Variants in NLRP5 observed in about 807,000 individuals in gnomAD.
NLRP5 encodes the protein NACHT, LRR and PYD domains-containing protein 5.
NLRP5 carries 93 observed loss-of-function variants against 113.1 expected under a neutral mutation model. The ratio of observed to expected loss-of-function variants is 0.82; its 90% CI spans 0.70 to 0.98. The LOEUF (loss-of-function observed/expected upper bound fraction) is 0.98. Among genes scored for constraint, NLRP5 ranks in the 50% least tolerant of loss-of-function variants. The pLI is 0.00. For missense variants in NLRP5, 1,808 were observed against 1,514.3 expected (o/e 1.19, Z -3.22); for synonymous variants, 751 against 600.7 (o/e 1.25, Z -3.66).
Position 56,058,814 on chromosome 19 carries a change from A to T in NLRP5, c.3470+404A>T, listed in dbSNP as rs200348066. On this transcript the variant is annotated intron_variant, in intron 14 of 14. Coordinates refer to ENST00000390649, the MANE Select transcript of NLRP5 (RefSeq NM_153447.4). Reference sequence around the variant, plus strand: ...ATGCACAATAATAGCCAAGAGGTGGAAGTAACCCAGGCGCTCGTGGATGAA... The same window carrying T: ...ATGCACAATAATAGCCAAGAGGTGGTAGTAACCCAGGCGCTCGTGGATGAA... 3.9e-5 allele frequency among the ~76,000 whole-genome samples: 6 copies of T among 152,342 alleles called. No homozygotes were observed. The East Asian group carries it at 1.2e-3, about 29-fold the overall frequency.
At position 56,003,969 on chromosome 19, in the gene NLRP5, G is replaced by A. The variant is rs780263166; in HGVS notation, c.316G>A (p.Val106Met). ...ACAGTTTGAAATCGAGAATGCCAAC[G>A]TGGAATGTCTGGCACTCCTCTTGCA... Residue 106 changes from valine (V) to methionine (M), a missense_variant, in exon 2 of 15, where the codon GTG (valine) becomes ATG (methionine). By Grantham distance (21) the Val-to-Met change is conservative. Transcript: ENST00000390649. The A allele has an allele frequency of 9.3e-6, 15 of 1,613,866 alleles. No homozygotes were observed. Among genetic ancestry groups the A allele is most frequent in the Middle Eastern group, 1.6e-4 (1 of 6,084 alleles).
chr19:56,058,776 T>A (rs1284388687), intron 14 of NLRP5, among the ~76,000 whole-genome samples: 1 of 152,216 alleles, frequency 6.6e-6, no homozygotes, highest in Non-Finnish European at 1.5e-5. Context: ...ACACCCATGT[T>A]CATAGTGGCA....
chr19:56,005,484 C>G lies in NLRP5; in HGVS notation c.442+1389C>G, dbSNP rs903458453. Reference sequence around the variant, plus strand: ...ACACACACACATATTTATACACACACACACGCAGGTGGCATGCCTGTACAC... The same window carrying G: ...ACACACACACATATTTATACACACAGACACGCAGGTGGCATGCCTGTACAC... On this transcript the variant is annotated intron_variant, in intron 2 of 14. Transcript: ENST00000390649. Among the ~76,000 whole-genome samples the G allele has an allele frequency of 5.3e-5, 8 of 150,334 alleles. No homozygotes were observed. In the Admixed American group the frequency reaches 5.3e-4, roughly 10 times the overall value.
At chr19:56,053,005 G>A (rs1983987964) in intron 12 of NLRP5, among the ~76,000 whole-genome samples, 1 of 152,206 alleles carries the variant, frequency 6.6e-6, no homozygotes, top group Non-Finnish European at 1.5e-5. Flanking sequence ...GCTGAGGCAG[G>A]AGAATTGCTT....
At chr19:56,060,817 G>C (rs1984325598) in intron 14 of NLRP5, among the ~76,000 whole-genome samples, 1 of 152,062 alleles carries the variant, frequency 6.6e-6, no homozygotes, top group African/African-American at 2.4e-5. Flanking sequence ...GGCCAATACT[G>C]TGACACTGGA....
At chr19:56,013,600 T>TTTTTTG (rs1555765394) in intron 3 of NLRP5, among the ~76,000 whole-genome samples, 3 of 130,774 alleles carry the variant, frequency 2.3e-5, no homozygotes, top group Admixed American at 1.7e-4. Flanking sequence ...ATTTGGGTTT[T>TTTTTTG]TTTTTTTTTT....
In NLRP5 at chr19:56,008,814, A is replaced by T. The variant is rs1355749679; in HGVS notation, c.469A>T (p.Thr157Ser). 1.2e-6 allele frequency: 2 copies of T among 1,612,138 alleles called. No individual in the cohort carries two copies. Among genetic ancestry groups the T allele is most frequent in the African/African-American group, 2.7e-5 (2 of 74,910 alleles). ...ACATTCACCAGAAGATCCTGAAGCA[A>T]CGATGACTGACCAAGGACCAAGCAA... Residue 157 changes from threonine (T) to serine (S), a missense_variant, in exon 3 of 15, where the codon ACG becomes TCG. By Grantham distance (58) the Thr-to-Ser change is moderately conservative. Coordinates refer to ENST00000390649, the MANE Select transcript of NLRP5 (RefSeq NM_153447.4).
chr19:55,999,497 T>C (rs762077155), upstream of NLRP5, among the ~76,000 whole-genome samples: 34 of 152,096 alleles, frequency 2.2e-4, no homozygotes, highest in Non-Finnish European at 3.8e-4. Flanking sequence ...TGAGCGCTTG[T>C]GTACCGTGAC....
At chr19:55,989,616 C>T in the NLRP5 span, among the ~76,000 whole-genome samples, 1 of 152,186 alleles carries the variant, frequency 6.6e-6, no homozygotes, top group Non-Finnish European at 1.5e-5. Flanking sequence ...GTGTCCTTCC[C>T]TGCCCCCGTA....
chr19:56,009,749 C>T (rs541157129), intron 3 of NLRP5, among the ~76,000 whole-genome samples: 200 of 152,236 alleles, frequency 1.3e-3, no homozygotes, highest in African/African-American at 3.9e-3. Flanking sequence ...TGCTCAGCTC[C>T]CAGCAGCCAG....
rs1599913467 is a variant in NLRP5, at chr19:56,055,300, T to A, written c.3299+1492T>A. Among the ~76,000 whole-genome samples, 4 of 151,684 alleles carry A rather than the reference T, an allele frequency of 2.6e-5. 1 individual carries two copies. The highest frequency in any genetic ancestry group is 2.6e-4 in the Admixed American group (4 of 15,230). ...AGCCACCGCGCCTGGCCGGGACCCT[T>A]TTCCTTCTTGAAGTCACACATTGTT... On this transcript the variant is annotated intron_variant, in intron 13 of 14. Coordinates refer to ENST00000390649, the MANE Select transcript of NLRP5 (RefSeq NM_153447.4).
In NLRP5 at chr19:56,053,816, C is replaced by T. The variant is rs1233528265; in HGVS notation, c.3299+8C>T. 6.2e-7 allele frequency: 1 copy of T among 1,611,068 alleles called. No individual in the cohort carries two copies. Among genetic ancestry groups the T allele is most frequent in the Non-Finnish European group, 8.5e-7 (1 of 1,177,912 alleles). On this transcript the variant is annotated splice_region_variant and intron_variant, in intron 13 of 14. Coordinates refer to ENST00000390649, the MANE Select transcript of NLRP5 (RefSeq NM_153447.4). ...TGTTCTGGCGAGACTCGGGTAACTT[C>T]CTGGGGCGCCTCTTTGCGGGCCGGG...
intron 14 of NLRP5, among the ~76,000 whole-genome samples, chr19:56,058,709 G>C (rs1391247658): frequency 6.6e-6 from 1 of 152,140 alleles, no homozygotes; most frequent in Admixed American, 6.6e-5. Context: ...ATATGATCCA[G>C]CAATCTTACT....
chr19:56,045,301 G>C (rs1983681667), intron 11 of NLRP5, among the ~76,000 whole-genome samples: 1 of 152,192 alleles, frequency 6.6e-6, no homozygotes, highest in South Asian at 2.1e-4. Flanking sequence ...TAAGTGAAGA[G>C]ACAACCTGAA....
At chr19:56,020,779 A>G (rs1328169704) in intron 6 of NLRP5, among the ~76,000 whole-genome samples, 1 of 151,470 alleles carries the variant, frequency 6.6e-6, no homozygotes, top group Non-Finnish European at 1.5e-5. Context: ...TATTTTTGTA[A>G]TTCCTTCTAT....
At chr19:56,000,377 T>C (rs1336128783) in intron 1 of NLRP5, among the ~76,000 whole-genome samples, 5 of 152,232 alleles carry the variant, frequency 3.3e-5, no homozygotes, top group Non-Finnish European at 4.4e-5. Flanking sequence ...TTTTGTTTGT[T>C]TTTTTAAGAC....
chr19:56,060,944 C>T (rs1406893437), intron 14 of NLRP5, among the ~76,000 whole-genome samples: 1 of 152,116 alleles, frequency 6.6e-6, no homozygotes, highest in Non-Finnish European at 1.5e-5. Context: ...AGAAAAGGTT[C>T]AGGGAGTAGA....
In NLRP5 at chr19:56,031,969, A is replaced by AT. The variant is rs558751686; in HGVS notation, c.2277-635dup. On this transcript the variant is annotated intron_variant, in intron 7 of 14. Coordinates refer to ENST00000390649, the MANE Select transcript of NLRP5 (RefSeq NM_153447.4). ...GGTCCTATGGTAGCTCTATTTTAAT[A>AT]TTTTTTTAGGAACCTCTGTACTGTT... Among the ~76,000 whole-genome samples, 538 of 152,126 alleles carry AT rather than the reference A, an allele frequency of 3.5e-3. 3 individuals carry two copies. Among genetic ancestry groups the AT allele is most frequent in the Non-Finnish European group, 6.5e-3 (443 of 68,004 alleles).
intron 1 of NLRP5, among the ~76,000 whole-genome samples, chr19:56,002,777 C>T (rs1283536934): frequency 6.6e-6 from 1 of 151,428 alleles, no homozygotes; most frequent in African/African-American, 2.4e-5. Flanking sequence ...CATCCATGTC[C>T]CTACAAAGGA....
Sources: gnomAD v4.1 joint callset for allele counts (sites outside exome capture counted in the v4.1 genomes callset) on GRCh38, gnomAD v4.1.1 for gene constraint, MANE v1.5 for transcripts, NCBI Gene and HGNC (gene_info 2026-07-23, HGNC 2026-07-21) for gene names.